Variants in LUZP2 observed in about 807,000 individuals in gnomAD.
LUZP2 encodes the protein leucine zipper protein 2.
A neutral mutation model predicts 51.6 loss-of-function variants in LUZP2; 52 were observed. That is an observed-to-expected ratio of 1.01 (90% CI 0.81 to 1.27). The LOEUF is 1.27. Ranked by LOEUF, LUZP2 falls within the 50% of genes most tolerant of loss-of-function variation. The pLI, the probability that LUZP2 is intolerant of heterozygous loss-of-function variation, is 0.00. For synonymous variants in LUZP2, 154 were observed against 137.3 expected, an observed-to-expected ratio of 1.12 and a Z score of -0.85; for missense variants, 436 against 395.4, an observed-to-expected ratio of 1.10 and a Z score of -0.87.
chr11:25,008,188 T>C (rs962836884), intron 9 of LUZP2, among the ~76,000 whole-genome samples: 1 of 152,180 alleles, frequency 6.6e-6, no homozygotes, highest in Non-Finnish European at 1.5e-5. Flanking sequence ...GCTACTGGCC[T>C]GGATTCTGCA....
chr11:24,634,853 T>G (rs545047830), intron 1 of LUZP2, among the ~76,000 whole-genome samples: 1 of 152,152 alleles, frequency 6.6e-6, no homozygotes, highest in African/African-American at 2.4e-5. Flanking sequence ...ATTTATTTTC[T>G]GTGACTTGGA....
Position 24,646,111 on chromosome 11 carries a change from G to A in LUZP2, c.63-83058G>A, listed in dbSNP as rs529242694. 3.0e-4 allele frequency among the ~76,000 whole-genome samples: 45 copies of A among 152,118 alleles called. No homozygotes were observed. In the East Asian group the frequency reaches 6.8e-3, roughly 23 times the overall value. On this transcript the variant is annotated intron_variant, in intron 1 of 11. Coordinates refer to ENST00000336930, the MANE Select transcript of LUZP2 (RefSeq NM_001009909.4). ...GAATGTTGATAACATCAGCTTCAAA[G>A]TGTTGCTAATGTGATTATTTGACCA...
chr11:24,745,535 G>T (rs997811095), intron 4 of LUZP2, among the ~76,000 whole-genome samples: 1 of 152,042 alleles, frequency 6.6e-6, no homozygotes, highest in Non-Finnish European at 1.5e-5. Context: ...ACCCCTGCTT[G>T]CTTTTCGTGT....
At chr11:24,733,555 C>T (rs1018509125) in intron 3 of LUZP2, among the ~76,000 whole-genome samples, 2 of 151,464 alleles carry the variant, frequency 1.3e-5, no homozygotes. Context: ...CACTCTTATT[C>T]GGAATCTAAA....
chr11:24,601,740 C>T (rs886693788), intron 1 of LUZP2, among the ~76,000 whole-genome samples: 1 of 150,870 alleles, frequency 6.6e-6, no homozygotes. Flanking sequence ...GCAACCAAGA[C>T]ACAATACCTC....
chr11:24,995,308 G>C (rs1025661426), intron 9 of LUZP2, among the ~76,000 whole-genome samples: 1 of 152,046 alleles, frequency 6.6e-6, no homozygotes, highest in African/African-American at 2.4e-5. Context: ...GAGAAGGATG[G>C]CTTCAGCAAG....
intron 4 of LUZP2, among the ~76,000 whole-genome samples, chr11:24,758,939 C>T (rs1269046911): frequency 1.3e-5 from 2 of 151,866 alleles, no homozygotes; most frequent in Non-Finnish European, 2.9e-5. Context: ...AGATGTATAT[C>T]TGAAAAAATA....
chr11:24,697,535 C>G (rs1018054869), intron 1 of LUZP2, among the ~76,000 whole-genome samples: 1 of 152,100 alleles, frequency 6.6e-6, no homozygotes, highest in Admixed American at 6.6e-5. Context: ...AGGCCTAGGC[C>G]AAGATAACCA....
chr11:24,742,013 TA>T (rs1859194207), intron 4 of LUZP2, among the ~76,000 whole-genome samples: 1 of 134,926 alleles, frequency 7.4e-6, no homozygotes, highest in Non-Finnish European at 1.5e-5. Flanking sequence ...TATATATAAA[TA>T]TAATTATATA....
chr11:24,827,304 T>C (rs1031941003), intron 5 of LUZP2, among the ~76,000 whole-genome samples: 2 of 152,190 alleles, frequency 1.3e-5, no homozygotes, highest in African/African-American at 4.8e-5. Flanking sequence ...ATTTCTGCTT[T>C]CTTCAGGCCC....
intron 5 of LUZP2, among the ~76,000 whole-genome samples, chr11:24,810,897 A>T (rs72886133): frequency 0.07 from 10,702 of 152,046 alleles, 373 homozygotes; most frequent in African/African-American, 0.091. Context: ...TCCTGTGGAG[A>T]TGGGTCAGTA....
intron 1 of LUZP2, among the ~76,000 whole-genome samples, chr11:24,668,599 A>G (rs1295056922): frequency 6.6e-6 from 1 of 152,202 alleles, no homozygotes. Flanking sequence ...GGCCAAAAGT[A>G]TGAAATCCTC....
rs745932863 is a variant in LUZP2, at chr11:24,763,299, C to T, written c.387C>T (p.Leu129=). ...GAAAGAGCAAAATGATCCGAGACCT[C>T]CAGAATGAGGTAAGATATATTTCAT... ...VERKSKMIRD[L]QNENKSLKNK... The change falls in exon 5 of 12, where the codon CTC becomes CTT. Residue 129 remains leucine, a synonymous_variant. Coordinates refer to ENST00000336930, the MANE Select transcript of LUZP2 (RefSeq NM_001009909.4). 2 of 1,372,636 alleles carry T rather than the reference C, an allele frequency of 1.5e-6. No individual in the cohort carries two copies. The highest frequency in any genetic ancestry group is 5.2e-5 in the Admixed American group (2 of 38,134). 85.0% of individuals were successfully genotyped at this position (1,372,636 alleles called of 1,614,324 possible). A position where few individuals can be genotyped will look rare whatever the true frequency, so the allele number is the denominator to read the frequency against.
At chr11:24,818,033 A>G (rs1254449119) in intron 5 of LUZP2, among the ~76,000 whole-genome samples, 1 of 152,126 alleles carries the variant, frequency 6.6e-6, no homozygotes, top group Non-Finnish European at 1.5e-5. Flanking sequence ...CAAATAAACT[A>G]TTTAGATACT....
chr11:24,696,493 A>T (rs1185493866), intron 1 of LUZP2, among the ~76,000 whole-genome samples: 1 of 152,116 alleles, frequency 6.6e-6, no homozygotes, highest in African/African-American at 2.4e-5. Flanking sequence ...TGCTTTCAAA[A>T]ATTGTATCTT....
At chr11:24,928,993 C>T (rs1690684039) in intron 7 of LUZP2, among the ~76,000 whole-genome samples, 1 of 151,966 alleles carries the variant, frequency 6.6e-6, no homozygotes, top group African/African-American at 2.4e-5. Flanking sequence ...AATATTTCCT[C>T]TAGGTTTTCT....
At position 24,647,907 on chromosome 11, in the gene LUZP2, G is replaced by C. The variant is rs946998631; in HGVS notation, c.63-81262G>C. On this transcript the variant is annotated intron_variant, in intron 1 of 11. Transcript: ENST00000336930. ...GCTATATAGTACCTACCATCCCTACGAACAATTATTTTAATGAAATAAGGT... is the reference window on the plus strand; with the variant it reads ...GCTATATAGTACCTACCATCCCTACCAACAATTATTTTAATGAAATAAGGT... Among the ~76,000 whole-genome samples the C allele has an allele frequency of 2.0e-5, 3 of 151,194 alleles. No homozygotes were observed. In the East Asian group the frequency reaches 5.8e-4, roughly 29 times the overall value.
At chr11:24,901,924 T>C (rs1275624181) in intron 5 of LUZP2, among the ~76,000 whole-genome samples, 3 of 152,200 alleles carry the variant, frequency 2.0e-5, no homozygotes, top group African/African-American at 4.8e-5. Context: ...CAAATCTTTC[T>C]TATCATTTTA....
Position 25,071,873 on chromosome 11 carries a change from T to A in LUZP2, c.859-5456T>A, listed in dbSNP as rs1466474219. On this transcript the variant is annotated intron_variant, in intron 10 of 11. Coordinates refer to ENST00000336930, the MANE Select transcript of LUZP2 (RefSeq NM_001009909.4). ...TAAAAAAAAATAAATAAATCACACA[T>A]GATGAAAAAGCATATAAAGTTAAAG... Among the ~76,000 whole-genome samples, 3 of 151,502 alleles carry A rather than the reference T, an allele frequency of 2.0e-5. No individual in the cohort carries two copies. The East Asian group carries it at 5.8e-4, about 29-fold the overall frequency.
Sources: allele counts gnomAD v4.1 joint callset (sites outside exome capture counted in the v4.1 genomes callset), GRCh38; gene constraint gnomAD v4.1.1; transcripts MANE v1.5; gene names NCBI Gene and HGNC (gene_info 2026-07-23, HGNC 2026-07-21).